The following DLG2 variants were observed in gnomAD, a reference collection of about 807,000 sequenced individuals.
The protein encoded by DLG2 is disks large homolog 2.
DLG2 carries 45 observed loss-of-function variants against 132.5 expected under a neutral mutation model. The observed-to-expected ratio is 0.34, with a 90% CI of 0.27 to 0.44. DLG2 has a LOEUF of 0.44. DLG2 is among the 20% of genes least tolerant of loss of function. The pLI, the probability that DLG2 is intolerant of heterozygous loss-of-function variation, is 1.00. For synonymous variants in DLG2, 424 were observed against 419.6 expected, an observed-to-expected ratio of 1.01 and a Z score of -0.13; for missense variants, 1,045 against 1,196.9, an observed-to-expected ratio of 0.87 and a Z score of 1.87.
chr11:84,482,686 C>T (rs2099140901), intron 7 of DLG2, among the ~76,000 whole-genome samples: 1 of 152,184 alleles, frequency 6.6e-6, no homozygotes, highest in African/African-American at 2.4e-5. Flanking sequence ...CAGCACACTG[C>T]TTCATATTAT....
intron 3 of DLG2, among the ~76,000 whole-genome samples, chr11:85,559,440 C>T (rs1037829024): frequency 1.3e-5 from 2 of 151,552 alleles, no homozygotes; most frequent in African/African-American, 2.4e-5. Flanking sequence ...TGAGCCACTG[C>T]GCCCGGCCAC....
chr11:84,916,933 C>G (rs1440061995), intron 6 of DLG2, among the ~76,000 whole-genome samples: 1 of 152,176 alleles, frequency 6.6e-6, no homozygotes, highest in East Asian at 1.9e-4. Flanking sequence ...TAGGTCTTTA[C>G]TCCAAGCCAT....
chr11:83,823,822 C>A (rs1369892289), intron 17 of DLG2, among the ~76,000 whole-genome samples: 5 of 152,172 alleles, frequency 3.3e-5, no homozygotes, highest in Non-Finnish European at 5.9e-5. Flanking sequence ...CCTTCGTATA[C>A]AATGGCTTCC....
At chr11:85,141,336 C>T (rs1036251499) in intron 5 of DLG2, among the ~76,000 whole-genome samples, 5 of 151,750 alleles carry the variant, frequency 3.3e-5, no homozygotes, top group Non-Finnish European at 5.9e-5. Flanking sequence ...GAGTATTTTT[C>T]ATATATCTAT....
intron 19 of DLG2, among the ~76,000 whole-genome samples, chr11:83,590,794 A>G (rs2097174922): frequency 6.6e-6 from 1 of 152,154 alleles, no homozygotes; most frequent in Admixed American, 6.5e-5. Context: ...CACAATAAAA[A>G]ATGATAAAGG....
At chr11:84,936,970 T>C (rs531846068) in intron 6 of DLG2, among the ~76,000 whole-genome samples, 2 of 152,086 alleles carry the variant, frequency 1.3e-5, no homozygotes, top group Non-Finnish European at 2.9e-5. Context: ...CTGGCCAACA[T>C]GGTAAAACCA....
intron 11 of DLG2, among the ~76,000 whole-genome samples, chr11:84,023,219 G>T (rs186196439): frequency 9.2e-4 from 140 of 152,224 alleles, no homozygotes; most frequent in Non-Finnish European, 1.6e-3. Context: ...GTTCTTAAAT[G>T]TAGTATTCAA....
rs1222486667 is a variant in DLG2, at chr11:84,307,695, C to CAAAAAAAAAAAAAAAAA, written c.520-56421_520-56405dup. On this transcript the variant is annotated intron_variant, in intron 7 of 27. Transcript: ENST00000376104. ...TGGGTGAAAGAGCGAGACGCAGTCT[C>CAAAAAAAAAAAAAAAAA]AAAAAAAAAAAAAAAAAAAAAGAAG... Among the ~76,000 whole-genome samples the CAAAAAAAAAAAAAAAAA allele has an allele frequency of 2.0e-3, 153 of 77,964 alleles. 8 individuals carry two copies. Among genetic ancestry groups the CAAAAAAAAAAAAAAAAA allele is most frequent in the African/African-American group, 3.5e-3 (65 of 18,500 alleles). The allele number at this position is 77,964 out of a possible 152,430, so 51.1% of individuals were successfully genotyped here. A position where few individuals can be genotyped will look rare whatever the true frequency, so the allele number is the denominator to read the frequency against.
intron 10 of DLG2, among the ~76,000 whole-genome samples, chr11:84,059,763 T>C (rs930349807): frequency 2.0e-5 from 3 of 152,132 alleles, no homozygotes; most frequent in African/African-American, 7.2e-5. Flanking sequence ...ACATACGGCA[T>C]AGTTAGAAGG....
chr11:85,136,408 G>T (rs2076149173), intron 5 of DLG2, among the ~76,000 whole-genome samples: 2 of 152,006 alleles, frequency 1.3e-5, no homozygotes, highest in African/African-American at 4.8e-5. Flanking sequence ...GATGATAGAG[G>T]ATAATTCACT....
At chr11:83,479,679 T>C (rs1418701279) in intron 22 of DLG2, among the ~76,000 whole-genome samples, 1 of 152,094 alleles carries the variant, frequency 6.6e-6, no homozygotes, top group East Asian at 1.9e-4. Flanking sequence ...GCAAATGGCT[T>C]GAGGTGACCA....
chr11:83,817,068 A>T (rs2049199296), intron 17 of DLG2, among the ~76,000 whole-genome samples: 1 of 152,200 alleles, frequency 6.6e-6, no homozygotes, highest in South Asian at 2.1e-4. Context: ...TCATTCATTC[A>T]TTATATATTT....
intron 6 of DLG2, among the ~76,000 whole-genome samples, chr11:84,684,778 G>A (rs750362513): frequency 6.6e-5 from 10 of 152,074 alleles, no homozygotes; most frequent in Non-Finnish European, 1.0e-4. Flanking sequence ...GCATATAATC[G>A]TATTTTCTGT....
chr11:85,503,052 T>C (rs756992038), intron 3 of DLG2, among the ~76,000 whole-genome samples: 3 of 152,108 alleles, frequency 2.0e-5, no homozygotes, highest in Non-Finnish European at 4.4e-5. Flanking sequence ...CATACTCCCG[T>C]ATGAAGAAGA....
At chr11:84,907,862 G>A (rs1047264441) in intron 6 of DLG2, among the ~76,000 whole-genome samples, 1 of 152,190 alleles carries the variant, frequency 6.6e-6, no homozygotes, top group Non-Finnish European at 1.5e-5. Flanking sequence ...TTCTGGGCAA[G>A]TCACTTAACC....
chr11:85,389,809 G>A (rs1254186099), intron 3 of DLG2, among the ~76,000 whole-genome samples: 1 of 152,100 alleles, frequency 6.6e-6, no homozygotes, highest in East Asian at 1.9e-4. Context: ...ACGAACAAAT[G>A]CTGAGAGAAT....
At chr11:85,615,754 C>A (rs956387886) in intron 2 of DLG2, among the ~76,000 whole-genome samples, 3 of 151,996 alleles carry the variant, frequency 2.0e-5, no homozygotes, top group African/African-American at 7.2e-5. Context: ...AATGTTATAA[C>A]CTGTTTTTTT....
In DLG2 at chr11:83,731,339, C is replaced by T. The variant is rs141869646; in HGVS notation, c.1825+55351G>A. 6.3e-3 allele frequency among the ~76,000 whole-genome samples: 965 copies of T among 152,250 alleles called. 5 individuals carry two copies. The highest frequency in any genetic ancestry group is 0.022 in the African/African-American group (908 of 41,536). ...TGTGTGTTGTTCCCCTCCCTGTGTC[C>T]ATGTGTTCTTGTTGTATAGGTCCCA... On this transcript the variant is annotated intron_variant, in intron 18 of 27. Transcript: ENST00000376104.
chr11:85,439,778 C>T (rs1043345405), intron 3 of DLG2, among the ~76,000 whole-genome samples: 6 of 151,994 alleles, frequency 3.9e-5, no homozygotes, highest in African/African-American at 1.5e-4. Context: ...AGAGTAATGG[C>T]TAAGAAGACA....
Sources: gnomAD v4.1 joint callset for allele counts (sites outside exome capture counted in the v4.1 genomes callset) on GRCh38, gnomAD v4.1.1 for gene constraint, MANE v1.5 for transcripts, NCBI Gene and HGNC (gene_info 2026-07-23, HGNC 2026-07-21) for gene names.